The following FER variants were observed in gnomAD, a reference collection of about 807,000 sequenced individuals.
The protein encoded by FER is FER tyrosine kinase, also known as tyrosine-protein kinase Fer.
FER carries 63 observed loss-of-function variants against 111.0 expected under a neutral mutation model. The ratio of observed to expected loss-of-function variants is 0.57; its 90% confidence interval spans 0.46 to 0.70. The LOEUF (loss-of-function observed/expected upper bound fraction) is 0.70. Among genes scored for constraint, FER ranks in the 30% least tolerant of loss-of-function variants. The pLI, the probability that FER is intolerant of heterozygous loss-of-function variation, is 0.00. For missense variants in FER, 914 were observed against 954.0 expected (o/e 0.96, Z 0.55); for synonymous variants, 327 against 313.9 (o/e 1.04, Z -0.44).
At chr5:109,075,637 A>G (rs1776249503) in intron 16 of FER, among the ~76,000 whole-genome samples, 1 of 151,914 alleles carries the variant, frequency 6.6e-6, no homozygotes, top group East Asian at 1.9e-4. Flanking sequence ...GTTAGCCAGG[A>G]TGGTCTCAAT....
chr5:109,148,284 AG>A (rs1437753000), intron 17 of FER, among the ~76,000 whole-genome samples: 1 of 152,130 alleles, frequency 6.6e-6, no homozygotes, highest in Non-Finnish European at 1.5e-5. Flanking sequence ...GATTCTTTTG[AG>A]GCATCTTTAT....
chr5:109,020,146 A>C (rs1300794765), intron 13 of FER, among the ~76,000 whole-genome samples: 1 of 151,836 alleles, frequency 6.6e-6, no homozygotes, highest in Non-Finnish European at 1.5e-5. Context: ...AGACATTAGA[A>C]ATATTCTTAA....
intron 18 of FER, among the ~76,000 whole-genome samples, chr5:109,184,610 A>G (rs189459721): frequency 1.6e-3 from 238 of 152,310 alleles, no homozygotes; most frequent in African/African-American, 5.4e-3. Context: ...TTAAAGAATT[A>G]GTCTTAACTT....
chr5:108,808,527 G>A (rs1222598281), intron 3 of FER, among the ~76,000 whole-genome samples: 1 of 151,718 alleles, frequency 6.6e-6, no homozygotes, highest in African/African-American at 2.4e-5. Flanking sequence ...GCAGATGGTT[G>A]GGTTTGTTTT....
At chr5:109,182,718 C>T (rs541293165) in intron 18 of FER, among the ~76,000 whole-genome samples, 47 of 152,230 alleles carry the variant, frequency 3.1e-4, no homozygotes, top group African/African-American at 9.6e-4. Context: ...CTCTTGATCA[C>T]GGTATAGTTT....
chr5:108,911,250 T>C (rs1035305451), intron 10 of FER, among the ~76,000 whole-genome samples: 1 of 152,204 alleles, frequency 6.6e-6, no homozygotes, highest in Non-Finnish European at 1.5e-5. Context: ...CATATATTTC[T>C]TGGTCATGTG....
At chr5:108,811,997 A>T (rs189950052) in intron 3 of FER, among the ~76,000 whole-genome samples, 1 of 152,334 alleles carries the variant, frequency 6.6e-6, no homozygotes, top group African/African-American at 2.4e-5. Flanking sequence ...AAAGACACAC[A>T]GAGATGGGTT....
intron 13 of FER, among the ~76,000 whole-genome samples, chr5:109,026,620 A>G (rs1348500808): frequency 6.6e-6 from 1 of 152,176 alleles, no homozygotes; most frequent in Non-Finnish European, 1.5e-5. Context: ...GAGATAGCAA[A>G]TATTTCTCAG....
intron 5 of FER, among the ~76,000 whole-genome samples, chr5:108,840,627 A>G (rs1761162830): frequency 6.6e-6 from 1 of 151,780 alleles, no homozygotes; most frequent in Admixed American, 6.6e-5. Context: ...TCCCTGATCT[A>G]TCCCCTATAT....
intron 3 of FER, among the ~76,000 whole-genome samples, chr5:108,821,640 T>G (rs1232862245): frequency 1.3e-5 from 2 of 151,962 alleles, no homozygotes; most frequent in Non-Finnish European, 2.9e-5. Context: ...TTGAATACTT[T>G]CCTTGTCTCT....
chr5:108,749,450 A>T (rs887872728), intron 1 of FER, among the ~76,000 whole-genome samples: 3 of 151,234 alleles, frequency 2.0e-5, no homozygotes, highest in Non-Finnish European at 4.4e-5. Context: ...TCTTGCCTGT[A>T]CCCTCACCCC....
At chr5:108,837,135 T>G (rs1760750787) in intron 5 of FER, among the ~76,000 whole-genome samples, 1 of 152,188 alleles carries the variant, frequency 6.6e-6, no homozygotes, top group South Asian at 2.1e-4. Flanking sequence ...AGTCCTGGAT[T>G]TAAGTTCCAA....
In FER at chr5:109,173,145, C is replaced by T. The variant is rs144268348; in HGVS notation, c.2049-7602C>T. Reference sequence around the variant, plus strand: ...CCAGAATTCTCTTACAGGGAACTCACCCAAGGAAATGAGATAAAAGATCCA... The same window carrying T: ...CCAGAATTCTCTTACAGGGAACTCATCCAAGGAAATGAGATAAAAGATCCA... On this transcript the variant is annotated intron_variant, in intron 17 of 19. Transcript: ENST00000281092. Among the ~76,000 whole-genome samples, 681 of 152,294 alleles carry T rather than the reference C, an allele frequency of 4.5e-3. 4 individuals are homozygous for T. Among genetic ancestry groups the T allele is most frequent in the African/African-American group, 0.016 (659 of 41,566 alleles).
intron 16 of FER, among the ~76,000 whole-genome samples, chr5:109,076,663 C>G (rs1228668573): frequency 6.6e-6 from 1 of 152,084 alleles, no homozygotes; most frequent in Non-Finnish European, 1.5e-5. Context: ...GTCTCGAACT[C>G]CTGGGCTCAT....
At chr5:108,836,365 G>C (rs375603832) in intron 5 of FER, among the ~76,000 whole-genome samples, 8 of 151,964 alleles carry the variant, frequency 5.3e-5, no homozygotes, top group African/African-American at 1.4e-4. Context: ...AGGTGATCTT[G>C]TATCTAAATT....
intron 3 of FER, among the ~76,000 whole-genome samples, chr5:108,824,487 T>C (rs755527255): frequency 3.9e-5 from 6 of 152,146 alleles, no homozygotes; most frequent in Admixed American, 1.3e-4. Flanking sequence ...CAATATCTTA[T>C]AGTTTTCAGT....
chr5:108,775,315 G>A (rs925449128), intron 2 of FER, among the ~76,000 whole-genome samples: 1 of 152,066 alleles, frequency 6.6e-6, no homozygotes, highest in Non-Finnish European at 1.5e-5. Flanking sequence ...CTCATTACCT[G>A]TGAACTTGTC....
At chr5:109,048,587 G>A (rs1363806736) in intron 16 of FER, among the ~76,000 whole-genome samples, 1 of 152,062 alleles carries the variant, frequency 6.6e-6, no homozygotes, top group East Asian at 1.9e-4. Context: ...CCAAGCAAGT[G>A]TTTATCTAGA....
At chr5:109,020,770 T>G (rs1767814909) in intron 13 of FER, among the ~76,000 whole-genome samples, 2 of 152,066 alleles carry the variant, frequency 1.3e-5, no homozygotes, top group South Asian at 4.1e-4. Flanking sequence ...ACCTCAAAAT[T>G]GGTTTTCAGC....
Sources: allele counts gnomAD v4.1 joint callset (sites outside exome capture counted in the v4.1 genomes callset), GRCh38; gene constraint gnomAD v4.1.1; transcripts MANE v1.5; gene names NCBI Gene and HGNC (gene_info 2026-07-23, HGNC 2026-07-21).